Variants in CADM2 observed in about 807,000 individuals in gnomAD.
The protein encoded by CADM2 is immunoglobulin superfamily member 4D.
In CADM2, 12 loss-of-function variants were observed where a neutral mutation model predicts 49.8. The ratio of observed to expected loss-of-function variants is 0.24; its 90% CI spans 0.15 to 0.39. The LOEUF (loss-of-function observed/expected upper bound fraction) is 0.39, where lower values mean the gene tolerates loss of function less well. Among genes scored for constraint, CADM2 ranks in the 10% least tolerant of loss-of-function variants. The pLI is 1.00. For missense variants in CADM2, 378 were observed against 492.3 expected (o/e 0.77, Z 2.20); for synonymous variants, 214 against 175.4 (o/e 1.22, Z -1.74).
intron 1 of CADM2, among the ~76,000 whole-genome samples, chr3:85,416,651 T>C (rs2035934878): frequency 6.6e-6 from 1 of 152,088 alleles, no homozygotes; most frequent in African/African-American, 2.4e-5. Flanking sequence ...ATAAATTGTG[T>C]GGGGACTAGG....
At chr3:85,321,666 C>CAA (rs1361901352) in intron 1 of CADM2, among the ~76,000 whole-genome samples, 1 of 152,046 alleles carries the variant, frequency 6.6e-6, no homozygotes, top group Non-Finnish European at 1.5e-5. Flanking sequence ...TTATACATCT[C>CAA]AAGTTCTGTT....
intron 1 of CADM2, among the ~76,000 whole-genome samples, chr3:85,495,406 C>T (rs1348717579): frequency 1.3e-5 from 2 of 152,040 alleles, no homozygotes; most frequent in African/African-American, 2.4e-5. Context: ...GGATTCACAT[C>T]GTTATTTCTT....
At chr3:85,728,330 C>A (rs2067790014) in intron 2 of CADM2, among the ~76,000 whole-genome samples, 1 of 152,184 alleles carries the variant, frequency 6.6e-6, no homozygotes, top group Admixed American at 6.5e-5. Flanking sequence ...CCTGTAGGGG[C>A]CTTAACACAT....
intron 1 of CADM2, among the ~76,000 whole-genome samples, chr3:85,687,560 A>G (rs2066253567): frequency 6.6e-6 from 1 of 152,222 alleles, no homozygotes; most frequent in South Asian, 2.1e-4. Flanking sequence ...AGGAATGTAT[A>G]CATTTAGAAG....
chr3:85,815,916 C>G (rs896624599), intron 3 of CADM2, among the ~76,000 whole-genome samples: 6 of 151,922 alleles, frequency 3.9e-5, no homozygotes, highest in African/African-American at 7.2e-5. Context: ...ACAAAATATT[C>G]TAATATTCTT....
At chr3:85,682,070 G>A (rs1424947680) in intron 1 of CADM2, among the ~76,000 whole-genome samples, 1 of 152,054 alleles carries the variant, frequency 6.6e-6, no homozygotes, top group Non-Finnish European at 1.5e-5. Context: ...GTGTCTTAGA[G>A]TGACACAAAT....
intron 1 of CADM2, among the ~76,000 whole-genome samples, chr3:85,134,301 G>A (rs2039346024): frequency 6.6e-6 from 1 of 152,206 alleles, no homozygotes; most frequent in Non-Finnish European, 1.5e-5. Context: ...GCCCAGAAAG[G>A]GGCTCCCACA....
chr3:85,717,700 G>A (rs550973883), intron 1 of CADM2, among the ~76,000 whole-genome samples: 41 of 152,174 alleles, frequency 2.7e-4, no homozygotes, highest in Non-Finnish European at 5.0e-4. Context: ...AGCATGAAGC[G>A]TTGTTGAATT....
At chr3:85,807,010 A>G (rs763103798) in intron 3 of CADM2, among the ~76,000 whole-genome samples, 11 of 152,216 alleles carry the variant, frequency 7.2e-5, no homozygotes, top group Non-Finnish European at 1.2e-4. Context: ...ACATTCAGCT[A>G]ATGTCTGGTA....
At chr3:85,552,574 T>G (rs1001793722) in intron 1 of CADM2, among the ~76,000 whole-genome samples, 2 of 150,548 alleles carry the variant, frequency 1.3e-5, no homozygotes, top group South Asian at 2.1e-4. Context: ...TAGAGACGGG[T>G]TTTCACCGTG....
chr3:85,294,837 C>G (rs1020540174), intron 1 of CADM2, among the ~76,000 whole-genome samples: 1 of 152,132 alleles, frequency 6.6e-6, no homozygotes, highest in Non-Finnish European at 1.5e-5. Context: ...CATAAAAACC[C>G]TAGAAGAATA....
intron 1 of CADM2, among the ~76,000 whole-genome samples, chr3:85,707,544 A>T (rs1041618194): frequency 1.1e-4 from 17 of 152,178 alleles, no homozygotes; most frequent in African/African-American, 4.1e-4. Context: ...TCTTAAACAG[A>T]ATAGTACATC....
chr3:85,030,185 C>T (rs1000831145), intron 1 of CADM2, among the ~76,000 whole-genome samples: 4 of 152,158 alleles, frequency 2.6e-5, no homozygotes, highest in Non-Finnish European at 4.4e-5. Flanking sequence ...CCTCTAGTTT[C>T]GCCTCTTGAA....
At chr3:85,554,049 G>A (rs1414102050) in intron 1 of CADM2, among the ~76,000 whole-genome samples, 1 of 151,836 alleles carries the variant, frequency 6.6e-6, no homozygotes, top group Non-Finnish European at 1.5e-5. Flanking sequence ...CCAAGGCAGC[G>A]GTCCCCAACG....
chr3:85,157,298 C>T (rs1434326365), intron 1 of CADM2, among the ~76,000 whole-genome samples: 1 of 151,028 alleles, frequency 6.6e-6, no homozygotes, highest in Admixed American at 6.6e-5. Context: ...CCATCCCCAT[C>T]AAGCTACCAA....
At chr3:85,133,354 G>T (rs1054604039) in intron 1 of CADM2, among the ~76,000 whole-genome samples, 2 of 152,166 alleles carry the variant, frequency 1.3e-5, no homozygotes, top group Non-Finnish European at 2.9e-5. Flanking sequence ...GGCACTGATT[G>T]GTGCGTTTAC....
chr3:85,519,338 A>G (rs2060977741), intron 1 of CADM2, among the ~76,000 whole-genome samples: 1 of 152,150 alleles, frequency 6.6e-6, no homozygotes, highest in Admixed American at 6.6e-5. Flanking sequence ...CCTCGAAGTC[A>G]TGCTTAGTTT....
rs369913969 is a variant in CADM2 at position 85,730,593 on chromosome 3, G to A, written c.88+4045G>A. Among the ~76,000 whole-genome samples, 30 of 152,016 alleles carry A rather than the reference G, an allele frequency of 2.0e-4. No homozygotes were observed. The East Asian group carries it at 2.3e-3, about 12-fold the overall frequency. ...AGTCTATCCTACATTTGTATATCAT[G>A]CTGAATTTTAACAAGATCATCACTG... On this transcript the variant is annotated intron_variant, in intron 2 of 9. Transcript: ENST00000383699.
intron 1 of CADM2, among the ~76,000 whole-genome samples, chr3:85,459,284 C>T (rs569233843): frequency 1.3e-5 from 2 of 152,210 alleles, no homozygotes; most frequent in South Asian, 2.1e-4. Context: ...AAAGGGAAAA[C>T]ATTTTCTTCA....
Sources: allele counts gnomAD v4.1 joint callset (sites outside exome capture counted in the v4.1 genomes callset), GRCh38; gene constraint gnomAD v4.1.1; transcripts MANE v1.5; gene names NCBI Gene and HGNC (gene_info 2026-07-23, HGNC 2026-07-21).